TNFRSF19: variants seen among roughly 807,000 people sequenced by gnomAD.
The protein encoded by TNFRSF19 is tumor necrosis factor receptor superfamily member 19.
In TNFRSF19, 27 loss-of-function variants were observed where a neutral mutation model predicts 46.4. The ratio of observed to expected loss-of-function variants is 0.58; its 90% CI spans 0.43 to 0.80. The LOEUF (loss-of-function observed/expected upper bound fraction) is 0.80. TNFRSF19 is among the 30% of genes least tolerant of loss of function. The probability of loss-of-function intolerance (pLI) is 0.00; values close to 1 mark genes in which losing one functional copy is unlikely to be tolerated. For missense variants in TNFRSF19, 511 were observed against 530.8 expected, an observed-to-expected ratio of 0.96 and a Z score of 0.37; for synonymous variants, 204 against 205.0, an observed-to-expected ratio of 1.00 and a Z score of 0.04.
intron 1 of TNFRSF19, among the ~76,000 whole-genome samples, chr13:23,573,456 G>C (rs538978379): frequency 6.8e-6 from 1 of 147,646 alleles, no homozygotes; most frequent in Admixed American, 6.8e-5. Context: ...ATGTGATGTG[G>C]AATTATATAT....
intron 5 of TNFRSF19, among the ~76,000 whole-genome samples, chr13:23,630,738 A>G (rs2138304556): frequency 6.6e-6 from 1 of 152,326 alleles, no homozygotes; most frequent in Middle Eastern, 3.4e-3. Context: ...TTAGAACCAT[A>G]TCCTGCCTTC....
At chr13:23,636,679 C>A (rs1019097042) in intron 5 of TNFRSF19, among the ~76,000 whole-genome samples, 3 of 152,174 alleles carry the variant, frequency 2.0e-5, no homozygotes, top group African/African-American at 7.2e-5. Flanking sequence ...GGCAGAGACA[C>A]CCACAGCAGA....
rs1166811653 is a variant in TNFRSF19, at chr13:23,593,412, G to T, written c.137G>T (p.Cys46Phe). Residue 46 changes from cysteine (C) to phenylalanine (F), a missense_variant, in exon 3 of 10, where the codon TGT becomes TTT. Around this residue, in one of 3 missense-constraint regions of TNFRSF19, gnomAD observed 121 missense variants for 124.1 expected, o/e 0.98. Coordinates refer to ENST00000248484, the MANE Select transcript of TNFRSF19 (RefSeq NM_148957.4). Reference protein sequence around the residue: ...QQEFRDRSGNCVPCNQCGPGM... With the variant: ...QQEFRDRSGNFVPCNQCGPGM... ...GAATTCAGGGATCGGTCTGGAAACTGTGTTCCCTGCAACCAGTGTGGGCCA... is the reference window on the plus strand; with the variant it reads ...GAATTCAGGGATCGGTCTGGAAACTTTGTTCCCTGCAACCAGTGTGGGCCA... The T allele has an allele frequency of 6.2e-7, 1 of 1,603,418 alleles. No individual in the cohort carries two copies. Among genetic ancestry groups the T allele is most frequent in the African/African-American group, 1.3e-5 (1 of 74,196 alleles).
At chr13:23,578,641 G>T (rs886503150) in intron 1 of TNFRSF19, among the ~76,000 whole-genome samples, 1 of 152,216 alleles carries the variant, frequency 6.6e-6, no homozygotes, top group Admixed American at 6.5e-5. Context: ...GTCATGCACC[G>T]TATCTTGGGT....
At chr13:23,577,705 G>A (rs1009765253) in intron 1 of TNFRSF19, among the ~76,000 whole-genome samples, 1 of 152,192 alleles carries the variant, frequency 6.6e-6, no homozygotes, top group African/African-American at 2.4e-5. Flanking sequence ...AGCACGAAGA[G>A]GAAGTAGAGA....
chr13:23,639,504 T>C (rs1392458685), intron 5 of TNFRSF19, among the ~76,000 whole-genome samples: 1 of 152,248 alleles, frequency 6.6e-6, no homozygotes, highest in Non-Finnish European at 1.5e-5. Flanking sequence ...GGAGCCCTGC[T>C]GTGCACAGTT....
chr13:23,597,962 T>C (rs1266777827), intron 3 of TNFRSF19, among the ~76,000 whole-genome samples: 2 of 152,158 alleles, frequency 1.3e-5, no homozygotes, highest in Admixed American at 6.5e-5. Flanking sequence ...ACAATAAATG[T>C]AATCCATCAC....
intron 5 of TNFRSF19, among the ~76,000 whole-genome samples, chr13:23,644,621 A>C (rs559344246): frequency 9.8e-5 from 15 of 152,354 alleles, no homozygotes; most frequent in African/African-American, 3.4e-4. Flanking sequence ...TTCAAAAAAG[A>C]AAAGCAGTGA....
Position 23,668,867 on chromosome 13 carries a change from C to T in TNFRSF19, c.1015C>T (p.Pro339Ser), listed in dbSNP as rs145301348. The T allele has an allele frequency of 6.2e-7, 1 of 1,614,242 alleles. No homozygotes were observed. Among genetic ancestry groups the T allele is most frequent in the South Asian group, 1.1e-5 (1 of 91,084 alleles). Residue 339 changes from proline to serine, a missense_variant, in exon 9 of 10, where the codon CCA becomes TCA. Pro to Ser is a moderately conservative substitution (Grantham distance 74). Transcript: ENST00000248484. ...LTGEDIHSLN[P>S]ELESSTSLDS... ...TGGAGAAGACATTCATTCTCTCAAT[C>T]CAGAACTTGAAAGCTCAACGTCTTT...
At chr13:23,668,562 A>G in intron 8 of TNFRSF19, 130 bp from the exon 9 acceptor site, 1 of 1,098,322 alleles carries the variant, frequency 9.1e-7, no homozygotes, top group Non-Finnish European at 1.3e-6. Flanking sequence ...TAACAATAGG[A>G]AACACTAGAA....
At chr13:23,593,901 C>G (rs889427286) in intron 3 of TNFRSF19, among the ~76,000 whole-genome samples, 2 of 152,068 alleles carry the variant, frequency 1.3e-5, no homozygotes, top group African/African-American at 4.8e-5. Context: ...ACTGAGGTAC[C>G]CAGCTCATCT....
intron 3 of TNFRSF19, among the ~76,000 whole-genome samples, chr13:23,607,949 A>G (rs1191209114): frequency 1.3e-5 from 2 of 152,026 alleles, no homozygotes; most frequent in Non-Finnish European, 2.9e-5. Context: ...ATTCAATTCT[A>G]TTTTTTCCCA....
At chr13:23,597,632 G>A (rs1235688027) in intron 3 of TNFRSF19, among the ~76,000 whole-genome samples, 1 of 152,078 alleles carries the variant, frequency 6.6e-6, no homozygotes, top group African/African-American at 2.4e-5. Context: ...AAAAGCTCAG[G>A]ACCAGATGGA....
intron 5 of TNFRSF19, among the ~76,000 whole-genome samples, chr13:23,653,793 T>A (rs1464127208): frequency 6.6e-6 from 1 of 152,134 alleles, no homozygotes; most frequent in Non-Finnish European, 1.5e-5. Flanking sequence ...GAAAGAAAAT[T>A]TCAGAGTAGT....
intron 7 of TNFRSF19, among the ~76,000 whole-genome samples, chr13:23,665,467 T>C (rs537786728): frequency 6.6e-6 from 1 of 152,324 alleles, no homozygotes; most frequent in African/African-American, 2.4e-5. Context: ...GATACTTTTT[T>C]CCCTTTAACT....
chr13:23,665,493 A>C (rs1951611805), intron 7 of TNFRSF19, among the ~76,000 whole-genome samples: 1 of 152,080 alleles, frequency 6.6e-6, no homozygotes, highest in African/African-American at 2.4e-5. Context: ...TTTTGACATA[A>C]TTTCAGAAAT....
In TNFRSF19 at chr13:23,593,342, C is replaced by A; in HGVS notation, c.70-3C>A. Reference sequence around the variant, plus strand: ...TAACATTTTGTTAAATTTTTTTTTTCAGTCATGTAAAGTGACTTGTGAATC... The same window carrying A: ...TAACATTTTGTTAAATTTTTTTTTTAAGTCATGTAAAGTGACTTGTGAATC... On this transcript the variant is annotated splice_region_variant and splice_polypyrimidine_tract_variant and intron_variant, in intron 2 of 9. Coordinates refer to ENST00000248484, the MANE Select transcript of TNFRSF19 (RefSeq NM_148957.4). 2.0e-6 allele frequency: 3 copies of A among 1,516,158 alleles called. No homozygotes were observed. The highest frequency in any genetic ancestry group is 2.7e-6 in the Non-Finnish European group (3 of 1,131,656). 93.9% of individuals were successfully genotyped at this position (1,516,158 alleles called of 1,614,324 possible).
chr13:23,576,136 CTTTT>C (rs368860825), intron 1 of TNFRSF19, among the ~76,000 whole-genome samples: 1 of 140,552 alleles, frequency 7.1e-6, no homozygotes. Flanking sequence ...TCACAGAATT[CTTTT>C]TTTTTTTTTT....
At chr13:23,576,977 A>G (rs2138135108) in intron 1 of TNFRSF19, among the ~76,000 whole-genome samples, 1 of 152,330 alleles carries the variant, frequency 6.6e-6, no homozygotes, top group East Asian at 1.9e-4. Context: ...AGGCATTGTA[A>G]GAGGATATAT....
Sources: allele counts gnomAD v4.1 joint callset (sites outside exome capture counted in the v4.1 genomes callset), GRCh38; gene constraint gnomAD v4.1.1; regional missense constraint gnomAD v4.1.1; transcripts MANE v1.5; gene names NCBI Gene and HGNC (gene_info 2026-07-23, HGNC 2026-07-21).